Variants in ZFHX3 observed in about 807,000 individuals in gnomAD.
ZFHX3 encodes zinc finger homeobox protein 3.
Under a neutral mutation model 279.1 loss-of-function variants are expected in ZFHX3, and 42 were observed. The ratio of observed to expected loss-of-function variants is 0.15; its 90% CI spans 0.12 to 0.19. The LOEUF (loss-of-function observed/expected upper bound fraction) is 0.19. ZFHX3 is among the 10% of genes least tolerant of loss of function. The pLI is 1.00. For missense variants in ZFHX3, 4,981 were observed against 4,754.0 expected, an observed-to-expected ratio of 1.05 and a Z score of -1.40; for synonymous variants, 2,293 against 1,957.8, an observed-to-expected ratio of 1.17 and a Z score of -4.52.
intron 2 of ZFHX3, among the ~76,000 whole-genome samples, chr16:73,636,313 T>A (rs1413703657): frequency 6.6e-6 from 1 of 152,204 alleles, no homozygotes; most frequent in Non-Finnish European, 1.5e-5. Flanking sequence ...ATAATATAAC[T>A]GTAATGATGA....
In ZFHX3 at chr16:72,787,861, G is replaced by T. The variant is rs150891901; in HGVS notation, c.10415C>A (p.Ala3472Glu). 1.2e-5 allele frequency: 20 copies of T among 1,613,968 alleles called. No homozygotes were observed. In the African/African-American group the frequency reaches 1.9e-4, roughly 15 times the overall value. ...QYKLVCRKCQ[A>E]GFSDEEAARS... The stretch of plus-strand genomic sequence containing the variant: ...CGCTGCCTCCTCGTCGCTGAAGCCC[G>T]CCTGGCACTTGCGGCAGACCAACTT... Residue 3472 changes from alanine to glutamate, a missense_variant, in exon 10 of 10, where the codon GCG becomes GAG. Transcript: ENST00000268489.
intron 1 of ZFHX3, among the ~76,000 whole-genome samples, chr16:73,018,295 G>C (rs764822031): frequency 6.7e-6 from 1 of 148,984 alleles, no homozygotes; most frequent in Non-Finnish European, 1.5e-5. Context: ...CCTGGCCATG[G>C]TTTTGATCTT....
intron 3 of ZFHX3, among the ~76,000 whole-genome samples, chr16:73,411,504 TG>T (rs2017465908): frequency 6.6e-6 from 1 of 152,196 alleles, no homozygotes; most frequent in Non-Finnish European, 1.5e-5. Flanking sequence ...TATACTTCTT[TG>T]TTTTTTTTCA....
At chr16:73,606,372 G>C (rs779361963) in intron 2 of ZFHX3, among the ~76,000 whole-genome samples, 17 of 151,476 alleles carry the variant, frequency 1.1e-4, no homozygotes, top group Non-Finnish European at 2.1e-4. Flanking sequence ...TGTAATCCCA[G>C]CTACTCAGGA....
intron 2 of ZFHX3, among the ~76,000 whole-genome samples, chr16:73,480,344 G>T (rs1247325680): frequency 6.6e-6 from 1 of 152,116 alleles, no homozygotes; most frequent in Non-Finnish European, 1.5e-5. Context: ...TTACTGTTTG[G>T]ATGGGTTTTG....
intron 2 of ZFHX3, among the ~76,000 whole-genome samples, chr16:73,508,334 C>A (rs2019363526): frequency 6.6e-6 from 1 of 151,958 alleles, no homozygotes. Context: ...TTCCTCTTTA[C>A]TCATCTAAAA....
Position 72,795,424 on chromosome 16 carries a change from T to G in ZFHX3, c.7258A>C (p.Asn2420His). The G allele has an allele frequency of 1.2e-6, 2 of 1,614,150 alleles. No individual in the cohort carries two copies. Among genetic ancestry groups the G allele is most frequent in the Non-Finnish European group, 1.7e-6 (2 of 1,180,038 alleles). Residue 2420 changes from asparagine (N) to histidine (H), a missense_variant, in exon 9 of 10, where the codon AAT becomes CAT. Asn to His is a moderately conservative substitution (Grantham distance 68, BLOSUM62 1). Around this residue, in one of 7 missense-constraint regions of ZFHX3, gnomAD observed 744 missense variants for 701.3 expected, o/e 1.06. Transcript: ENST00000268489. ...TCATCGCCTGCCTCTGTTTTTGAATTGAAGGTGGCCAGTTCCTCAGCCTCC... is the reference window on the plus strand; with the variant it reads ...TCATCGCCTGCCTCTGTTTTTGAATGGAAGGTGGCCAGTTCCTCAGCCTCC... ...TAEAEELATF[N>H]SKTEAGDEKP...
chr16:73,891,645 C>T (rs2030542194), intron 1 of ZFHX3: 2 of 152,020 alleles, frequency 1.3e-5, no homozygotes, highest in African/African-American at 4.8e-5. Flanking sequence ...TCCACATCTA[C>T]CTTACCTCAG....
chr16:73,883,453 G>C (rs927004381), intron 1 of ZFHX3, among the ~76,000 whole-genome samples: 2 of 151,078 alleles, frequency 1.3e-5, no homozygotes, highest in African/African-American at 4.9e-5. Flanking sequence ...TTATAATGTG[G>C]ACATGATATA....
At chr16:73,348,894 T>C (rs1180968299) in intron 3 of ZFHX3, among the ~76,000 whole-genome samples, 1 of 152,250 alleles carries the variant, frequency 6.6e-6, no homozygotes, top group Non-Finnish European at 1.5e-5. Flanking sequence ...GATACCGTCT[T>C]GTGGCATTTC....
chr16:73,797,838 C>A (rs2639321), intron 1 of ZFHX3, among the ~76,000 whole-genome samples: 1 of 123,628 alleles, frequency 8.1e-6, no homozygotes, highest in Admixed American at 9.5e-5. Context: ...TTTTGAGAAG[C>A]AATTGCACTC....
intron 9 of ZFHX3, 73 bp from the exon 10 acceptor site, chr16:72,788,921 G>A (rs572528004): frequency 5.7e-4 from 849 of 1,495,978 alleles, no homozygotes; most frequent in Non-Finnish European, 6.9e-4. Context: ...ACGTTTTACC[G>A]GTGTCACTGG....
chr16:73,371,568 G>A (rs1431647698), intron 3 of ZFHX3, among the ~76,000 whole-genome samples: 1 of 151,872 alleles, frequency 6.6e-6, no homozygotes, highest in Non-Finnish European at 1.5e-5. Context: ...GGCACAGGCA[G>A]GGCAGGAAGC....
chr16:73,520,339 C>T (rs1465157651), intron 2 of ZFHX3, among the ~76,000 whole-genome samples: 1 of 152,190 alleles, frequency 6.6e-6, no homozygotes, highest in Non-Finnish European at 1.5e-5. Context: ...CCTTTGTCTT[C>T]ATCTAAGATG....
chr16:73,715,593 G>A (rs938182741), intron 1 of ZFHX3, among the ~76,000 whole-genome samples: 8 of 97,600 alleles, frequency 8.2e-5, no homozygotes, highest in African/African-American at 3.2e-4. Context: ...TTTTTTTTGA[G>A]ACAGAGTCTC....
intron 2 of ZFHX3, among the ~76,000 whole-genome samples, chr16:73,622,021 A>C (rs867600067): frequency 7.2e-5 from 11 of 152,084 alleles, no homozygotes; most frequent in Non-Finnish European, 8.8e-5. Context: ...ATTATTTTTC[A>C]TTTTCCCCTT....
intron 5 of ZFHX3, among the ~76,000 whole-genome samples, chr16:73,149,170 A>T (rs1420897308): frequency 6.8e-6 from 1 of 147,144 alleles, no homozygotes; most frequent in Non-Finnish European, 1.5e-5. Flanking sequence ...ATACTTTATT[A>T]ATAAATGCCA....
At chr16:73,260,479 C>G (rs1284695342) in intron 4 of ZFHX3, among the ~76,000 whole-genome samples, 1 of 152,026 alleles carries the variant, frequency 6.6e-6, no homozygotes, top group East Asian at 1.9e-4. Flanking sequence ...CATTCTTGCT[C>G]CTGATGTGTG....
chr16:73,823,041 T>C (rs1356658937), intron 1 of ZFHX3, among the ~76,000 whole-genome samples: 1 of 152,214 alleles, frequency 6.6e-6, no homozygotes, highest in Non-Finnish European at 1.5e-5. Context: ...GCCGAATCCC[T>C]GCCCTTATGG....
Sources: allele counts gnomAD v4.1 joint callset (sites outside exome capture counted in the v4.1 genomes callset), GRCh38; gene constraint gnomAD v4.1.1; regional missense constraint gnomAD v4.1.1; transcripts MANE v1.5; gene names NCBI Gene and HGNC (gene_info 2026-07-23, HGNC 2026-07-21).